MACF1: variants seen among roughly 807,000 people sequenced by gnomAD.
MACF1 encodes the protein microtubule-actin cross-linking factor 1.
Under a neutral mutation model 854.8 loss-of-function variants are expected in MACF1, and 193 were observed. That is an observed-to-expected ratio of 0.23 (90% CI 0.20 to 0.25). The LOEUF is 0.25. MACF1 is among the 10% of genes least tolerant of loss of function. The probability of loss-of-function intolerance (pLI) is 1.00; values close to 1 mark genes in which losing one functional copy is unlikely to be tolerated. For synonymous variants in MACF1, 3,185 were observed against 3,226.7 expected, an observed-to-expected ratio of 0.99 and a Z score of 0.44; for missense variants, 7,722 against 8,929.1, an observed-to-expected ratio of 0.86 and a Z score of 5.45.
chr1:39,289,568 C>A (rs1645725501), intron 15 of MACF1, among the ~76,000 whole-genome samples: 1 of 151,898 alleles, frequency 6.6e-6, no homozygotes, highest in Admixed American at 6.6e-5. Flanking sequence ...AAATCTTTTA[C>A]TCATTTTTAA....
rs946296263 is a variant in MACF1 at position 39,447,741 on chromosome 1, A to G, written c.19811A>G (p.Asp6604Gly). The G allele has an allele frequency of 8.1e-6, 13 of 1,614,052 alleles. No homozygotes were observed. The highest frequency in any genetic ancestry group is 1.1e-5 in the Non-Finnish European group (13 of 1,180,034). The change falls in exon 82 of 101, where the codon GAT becomes GGT. Residue 6604 changes from aspartate to glycine, a missense_variant. Physicochemically the swap from Asp to Gly is moderately conservative, Grantham distance 94. This residue lies in a region of MACF1 where 729 missense variants were observed against 900.5 expected (regional missense o/e 0.81). Coordinates refer to ENST00000564288, the MANE Select transcript of MACF1 (RefSeq NM_001394062.1). The part of the protein sequence containing the change: ...NAHRDQIIEL[D>G]QTGNQLKFLS... Reference sequence around the variant, plus strand: ...CATCGAGACCAGATCATTGAGCTGGATCAAACTGGGAATCAATTAAAGTTC... The same window carrying G: ...CATCGAGACCAGATCATTGAGCTGGGTCAAACTGGGAATCAATTAAAGTTC...
intron 58 of MACF1, chr1:39,414,104 C>G: frequency 6.2e-7 from 1 of 1,607,306 alleles, no homozygotes; most frequent in Non-Finnish European, 8.5e-7. Context: ...CCCGAGGAGC[C>G]TGCCTCCCCA....
In MACF1 at chr1:39,297,162, G is replaced by A. The variant is rs550811645; in HGVS notation, c.2356-458G>A. Among the ~76,000 whole-genome samples the A allele has an allele frequency of 2.4e-4, 36 of 152,204 alleles. No individual in the cohort carries two copies. In the South Asian group the frequency reaches 3.1e-3, roughly 13 times the overall value. Reference sequence around the variant, plus strand: ...AAGAAGGTCTCGATCTCCTGACCTCGTGATCTGCCCGCCTTGGCCTCCGAA... The same window carrying A: ...AAGAAGGTCTCGATCTCCTGACCTCATGATCTGCCCGCCTTGGCCTCCGAA... On this transcript the variant is annotated intron_variant, in intron 20 of 100. Transcript: ENST00000564288.
At chr1:39,429,205 C>A in intron 63 of MACF1, 37 bp from the exon 64 acceptor site, 1 of 1,068,392 alleles carries the variant, frequency 9.4e-7, no homozygotes, top group Non-Finnish European at 1.4e-6. Flanking sequence ...ATTTGTAGTG[C>A]CACAGTTTCA....
chr1:39,093,910 C>G (rs1641874280), intron 2 of MACF1, among the ~76,000 whole-genome samples: 1 of 152,104 alleles, frequency 6.6e-6, no homozygotes, highest in Admixed American at 6.5e-5. Context: ...TCCTGAGTAG[C>G]TGGGATTACA....
intron 24 of MACF1, 100 bp from the exon 25 acceptor site, chr1:39,310,145 A>G: frequency 1.1e-6 from 1 of 893,060 alleles, no homozygotes; most frequent in Non-Finnish European, 1.7e-6. Flanking sequence ...ATTATGGTTT[A>G]TGCACTGTTT....
chr1:39,386,994 A>G (rs1465519860), intron 57 of MACF1, among the ~76,000 whole-genome samples, 193 bp from the exon 58 acceptor site: 2 of 152,256 alleles, frequency 1.3e-5, no homozygotes, highest in Non-Finnish European at 2.9e-5. Context: ...TGTTACTTAG[A>G]TCACCTTACA....
rs1643647790 is a variant in MACF1, at chr1:39,424,089, G to A, written c.16211G>A (p.Gly5404Asp). 6.2e-7 allele frequency: 1 copy of A among 1,612,344 alleles called. No homozygotes were observed. Among genetic ancestry groups the A allele is most frequent in the African/African-American group, 1.3e-5 (1 of 74,296 alleles). ...ATVDMLQAEG[G>D]RIAQSAELAD... ...GTAGACATGCTTCAAGCAGAAGGAG[G>A]CAGAATAGCCCAGTCAGCAGAGCTG... is the stretch of plus-strand genomic sequence containing the variant. The change falls in exon 61 of 101, where the codon GGC (glycine) becomes GAC (aspartate). Residue 5404 changes from glycine to aspartate, a missense_variant. Gly to Asp is a moderately conservative substitution (Grantham distance 94). This residue lies in a region of MACF1 where 2,807 missense variants were observed against 3,235.8 expected (regional missense o/e 0.87). Transcript: ENST00000564288.
At chr1:39,226,945 C>T (rs574335560) in intron 1 of MACF1, among the ~76,000 whole-genome samples, 7 of 152,168 alleles carry the variant, frequency 4.6e-5, no homozygotes, top group Admixed American at 1.3e-4. Flanking sequence ...TATAGTGAAG[C>T]ACAGTGGGCC....
rs752160524 is a variant in MACF1 at position 39,340,689 on chromosome 1, A to T, written c.10403A>T (p.His3468Leu). ...GACACTTGGAATTCCAGGCTACTCC[A>T]CTTCCAGAATGCTGTGGAAATAGAA... ...VSDTWNSRLL[H>L]FQNAVEIEKT... The change falls in exon 39 of 101, where the codon CAC becomes CTC. Residue 3468 changes from histidine (H) to leucine (L), a missense_variant. Coordinates refer to ENST00000564288, the MANE Select transcript of MACF1 (RefSeq NM_001394062.1). 1 of 1,614,186 alleles carries T rather than the reference A, an allele frequency of 6.2e-7. No homozygotes were observed. The highest frequency in any genetic ancestry group is 8.5e-7 in the Non-Finnish European group (1 of 1,180,016).
chr1:39,150,070 C>CTGAA (rs111602509), intron 2 of MACF1, among the ~76,000 whole-genome samples: 4,691 of 152,040 alleles, frequency 0.031, 233 homozygotes, highest in African/African-American at 0.11. Flanking sequence ...GTCACCCAGG[C>CTGAA]TGAAGTGCAG....
chr1:39,285,584 A>G lies in MACF1; in HGVS notation c.1354-20A>G, dbSNP rs1645627652. On this transcript the variant is annotated intron_variant, in intron 13 of 100. Coordinates refer to ENST00000564288, the MANE Select transcript of MACF1 (RefSeq NM_001394062.1). The stretch of plus-strand genomic sequence containing the variant: ...GGGCAATGGAAGTTTTCCCACTGTT[A>G]TTCTCTCTTCCTGTCTCAGGATGCT... The G allele has an allele frequency of 1.9e-6, 3 of 1,604,868 alleles. No individual in the cohort carries two copies. The highest frequency in any genetic ancestry group is 2.6e-6 in the Non-Finnish European group (3 of 1,176,042).
At chr1:39,285,878 C>T (rs1645631982) in intron 14 of MACF1, 120 bp downstream of exon 14, 1 of 1,101,296 alleles carries the variant, frequency 9.1e-7, no homozygotes, top group Non-Finnish European at 1.3e-6. Context: ...GTCAGTGTCT[C>T]AATGGGGATA....
rs1395764638 is a variant in MACF1, at chr1:39,327,205, C to T, written c.4479-13C>T. The T allele has an allele frequency of 4.5e-6, 7 of 1,551,014 alleles. No individual in the cohort carries two copies. Among genetic ancestry groups the T allele is most frequent in the Non-Finnish European group, 4.4e-6 (5 of 1,137,184 alleles). ...TTTTTCTCCTAAAAAAGCTTTAATG[C>T]TTCATCTTCCAGGCTCTCAGAAAAA... On this transcript the variant is annotated splice_polypyrimidine_tract_variant and intron_variant, in intron 35 of 100. Transcript: ENST00000564288.
At chr1:39,384,004 A>G (rs975782123) in intron 56 of MACF1, among the ~76,000 whole-genome samples, 1 of 152,336 alleles carries the variant, frequency 6.6e-6, no homozygotes, top group East Asian at 1.9e-4. Context: ...ATCATTGAAC[A>G]TTTGTGACAG....
intron 44 of MACF1, 63 bp from the exon 45 acceptor site, chr1:39,357,312 A>G: frequency 6.5e-7 from 1 of 1,542,716 alleles, no homozygotes; most frequent in Non-Finnish European, 8.8e-7. Context: ...AGTCTTGTAT[A>G]CCTCAAATTA....
At chr1:39,297,824 A>G in intron 21 of MACF1, 79 bp downstream of exon 21, 1 of 1,548,620 alleles carries the variant, frequency 6.5e-7, no homozygotes, top group African/African-American at 1.4e-5. Flanking sequence ...TATATCCTTG[A>G]AAGCTCCAGG....
In MACF1 at chr1:39,333,367, C is replaced by T. The variant is rs777844971; in HGVS notation, c.6779C>T (p.Thr2260Ile). 4 of 1,613,994 alleles carry T rather than the reference C, an allele frequency of 2.5e-6. No individual in the cohort carries two copies. Among genetic ancestry groups the T allele is most frequent in the East Asian group, 4.5e-5 (2 of 44,878 alleles). The change falls in exon 37 of 101, where the codon ACC becomes ATC. Residue 2260 changes from threonine to isoleucine, a missense_variant. Thr to Ile is a moderately conservative substitution (Grantham distance 89). Transcript: ENST00000564288. ...AGGSMMMSEK[T>I]DEEDSGREIF... ...GGTAGTATGATGATGTCAGAAAAGA[C>T]CGATGAGGAAGATAGTGGCAGGGAA...
intron 21 of MACF1, chr1:39,299,196 C>CT (rs1571294290): frequency 2.2e-6 from 1 of 456,102 alleles, no homozygotes. Flanking sequence ...TTCCATTCCT[C>CT]TTTCTTAACT....
Sources: allele counts gnomAD v4.1 joint callset (sites outside exome capture counted in the v4.1 genomes callset), GRCh38; gene constraint gnomAD v4.1.1; regional missense constraint gnomAD v4.1.1; transcripts MANE v1.5; gene names NCBI Gene and HGNC (gene_info 2026-07-23, HGNC 2026-07-21).